N4BP1: variants seen among roughly 807,000 people sequenced by gnomAD.
The protein encoded by N4BP1 is NEDD4-binding protein 1.
A neutral mutation model predicts 70.9 loss-of-function variants in N4BP1; 21 were observed. The observed-to-expected ratio is 0.30, with a 90% CI of 0.21 to 0.43. The LOEUF (loss-of-function observed/expected upper bound fraction) is 0.43, where lower values mean the gene tolerates loss of function less well. N4BP1 is among the 20% of genes least tolerant of loss of function. N4BP1 has a pLI of 1.00. For missense variants in N4BP1, 936 were observed against 1,069.4 expected (o/e 0.88, Z 1.74); for synonymous variants, 387 against 394.6 (o/e 0.98, Z 0.23).
chr16:48,553,063 A>G (rs1199719585), intron 3 of N4BP1, among the ~76,000 whole-genome samples: 1 of 152,194 alleles, frequency 6.6e-6, no homozygotes, highest in Non-Finnish European at 1.5e-5. Flanking sequence ...GTTTCTCTAG[A>G]ACATTTCATG....
At chr16:48,608,563 C>T (rs970602258) in intron 1 of N4BP1, among the ~76,000 whole-genome samples, 1 of 152,126 alleles carries the variant, frequency 6.6e-6, no homozygotes, top group African/African-American at 2.4e-5. Flanking sequence ...CTCCCTAGGT[C>T]TGAATCCTGC....
intron 1 of N4BP1, among the ~76,000 whole-genome samples, chr16:48,574,921 C>A (rs1441174906): frequency 6.6e-6 from 1 of 152,172 alleles, no homozygotes; most frequent in African/African-American, 2.4e-5. Context: ...GCAAGACTGG[C>A]AGAGAAAGGC....
chr16:48,570,493 C>T (rs1239164808), intron 1 of N4BP1, among the ~76,000 whole-genome samples: 18 of 152,082 alleles, frequency 1.2e-4, no homozygotes, highest in Admixed American at 5.9e-4. Context: ...ACTACAGGCA[C>T]GTGCCACCAT....
chr16:48,605,181 C>A (rs767554098), intron 1 of N4BP1, among the ~76,000 whole-genome samples: 2 of 152,018 alleles, frequency 1.3e-5, no homozygotes, highest in South Asian at 2.1e-4. Context: ...TACATGCATG[C>A]GCCACCCCAC....
Position 48,609,960 on chromosome 16 carries a change from C to T in N4BP1, c.13G>A (p.Ala5Thr). The change falls in exon 1 of 7, where the codon GCG (alanine) becomes ACG (threonine). Residue 5 changes from alanine (A) to threonine (T), a missense_variant. Around this residue, in one of 4 missense-constraint regions of N4BP1, gnomAD observed 187 missense variants for 217.1 expected, o/e 0.86. Coordinates refer to ENST00000262384, the MANE Select transcript of N4BP1 (RefSeq NM_153029.4). Reference sequence around the variant, plus strand: ...GGCGCAGTGAACTCGTCCAGCACCGCCCGGGCCGCCATGGCGGGCGCGGCC... The same window carrying T: ...GGCGCAGTGAACTCGTCCAGCACCGTCCGGGCCGCCATGGCGGGCGCGGCC... Reference protein sequence around the residue: MAARAVLDEFTAPAE... With the variant: MAARTVLDEFTAPAE... The T allele has an allele frequency of 4.8e-6, 6 of 1,248,514 alleles. No individual in the cohort carries two copies. The highest frequency in any genetic ancestry group is 5.0e-6 in the Non-Finnish European group (5 of 993,554). The allele number at this position is 1,248,514 out of a possible 1,614,324, so 77.3% of individuals were successfully genotyped here.
chr16:48,593,752 G>GT (rs1255874202), intron 1 of N4BP1, among the ~76,000 whole-genome samples: 1 of 152,142 alleles, frequency 6.6e-6, no homozygotes, highest in Non-Finnish European at 1.5e-5. Flanking sequence ...GCTCACACCT[G>GT]TAATTCCAGC....
Position 48,551,915 on chromosome 16 carries a change from G to A in N4BP1, c.2021-433C>T, listed in dbSNP as rs570115081. On this transcript the variant is annotated intron_variant, in intron 3 of 6. Coordinates refer to ENST00000262384, the MANE Select transcript of N4BP1 (RefSeq NM_153029.4). ...TGCCTGTAATCCCAGTTACTCAGGAGGCTGAGGCAGGAGAATCGCTTGAAC... is the reference window on the plus strand; with the variant it reads ...TGCCTGTAATCCCAGTTACTCAGGAAGCTGAGGCAGGAGAATCGCTTGAAC... Among the ~76,000 whole-genome samples the A allele has an allele frequency of 3.3e-5, 5 of 152,294 alleles. No homozygotes were observed. In the East Asian group the frequency reaches 9.7e-4, roughly 29 times the overall value.
At position 48,570,612 on chromosome 16, in the gene N4BP1, G is replaced by A. The variant is rs976946340; in HGVS notation, c.199-8168C>T. On this transcript the variant is annotated intron_variant, in intron 1 of 6. Coordinates refer to ENST00000262384, the MANE Select transcript of N4BP1 (RefSeq NM_153029.4). ...TCCACCCATTTCGGCCTCCCAAAGC[G>A]CTGGGATTACAGGCATACGCCACTG... 3.3e-5 allele frequency among the ~76,000 whole-genome samples: 5 copies of A among 152,282 alleles called. No homozygotes were observed. In the East Asian group the frequency reaches 5.8e-4, roughly 18 times the overall value.
intron 1 of N4BP1, among the ~76,000 whole-genome samples, chr16:48,605,775 T>G (rs1478135653): frequency 6.6e-6 from 1 of 152,208 alleles, no homozygotes; most frequent in Admixed American, 6.5e-5. Context: ...AAATTTCTCA[T>G]GTCCCCCTAA....
chr16:48,567,171 T>C (rs977340078), intron 1 of N4BP1, among the ~76,000 whole-genome samples: 3 of 152,244 alleles, frequency 2.0e-5, no homozygotes, highest in Admixed American at 6.5e-5. Context: ...TGTCTTTTAA[T>C]TGGAGTGTTG....
At position 48,562,266 on chromosome 16, in the gene N4BP1, G is replaced by C; in HGVS notation, c.377C>G (p.Ala126Gly). ...GLLGIRGSAEAVVMARSHIQQ... is the reference protein window; with the variant it reads ...GLLGIRGSAEGVVMARSHIQQ... ...AATGTGACTCCTAGCCATGACCACA[G>C]CCTCAGCACTTCCTCTGATGCCAAG... is the stretch of plus-strand genomic sequence containing the variant. The change falls in exon 2 of 7, where the codon GCT becomes GGT. Residue 126 changes from alanine to glycine, a missense_variant. Coordinates refer to ENST00000262384, the MANE Select transcript of N4BP1 (RefSeq NM_153029.4). The C allele has an allele frequency of 6.2e-7, 1 of 1,613,922 alleles. No individual in the cohort carries two copies. The highest frequency in any genetic ancestry group is 8.5e-7 in the Non-Finnish European group (1 of 1,179,880).
intron 4 of N4BP1, among the ~76,000 whole-genome samples, chr16:48,549,357 T>C (rs1284030035): frequency 1.3e-5 from 2 of 152,198 alleles, no homozygotes; most frequent in East Asian, 3.8e-4. Flanking sequence ...TTAACAAAAA[T>C]AGGCAGTAAG....
At chr16:48,563,831 T>C (rs1320715086) in intron 1 of N4BP1, among the ~76,000 whole-genome samples, 1 of 152,242 alleles carries the variant, frequency 6.6e-6, no homozygotes, top group Non-Finnish European at 1.5e-5. Context: ...TCTCAATACA[T>C]ATAATAATGT....
intron 3 of N4BP1, among the ~76,000 whole-genome samples, chr16:48,552,482 A>G (rs995566157): frequency 2.6e-5 from 4 of 151,548 alleles, no homozygotes; most frequent in African/African-American, 9.7e-5. Flanking sequence ...GGTGGATAAC[A>G]AGGTCAGGAG....
Position 48,561,748 on chromosome 16 carries a change from ACTG to A in N4BP1, c.892_894del (p.Gln298del), listed in dbSNP as rs1490135808. On this transcript the variant is annotated inframe_deletion, in exon 2 of 7. Coordinates refer to ENST00000262384, the MANE Select transcript of N4BP1 (RefSeq NM_153029.4). ...CCCTCCTGAACATTTTCCAAAGAAAACTGCTTCTTCGTATGCCTTTCTTCAGAA... is the reference window on the plus strand; with the variant it reads ...CCCTCCTGAACATTTTCCAAAGAAAACTTCTTCGTATGCCTTTCTTCAGAA... The A allele has an allele frequency of 6.2e-7, 1 of 1,612,334 alleles. No individual in the cohort carries two copies. Among genetic ancestry groups the A allele is most frequent in the Non-Finnish European group, 8.5e-7 (1 of 1,179,866 alleles).
chr16:48,541,714 A>G lies in N4BP1; in HGVS notation c.*1190T>C, dbSNP rs1199901255. The G allele has an allele frequency of 6.6e-6, 1 of 152,628 alleles. No homozygotes were observed. Among genetic ancestry groups the G allele is most frequent in the East Asian group, 1.9e-4 (1 of 5,200 alleles). 9.5% of individuals were successfully genotyped at this position (152,628 alleles called of 1,614,324 possible). On this transcript the variant is annotated 3_prime_UTR_variant, in exon 7 of 7. Transcript: ENST00000262384. Reference sequence around the variant, plus strand: ...AGACAATAAGAGTAAAGATGTTAAGATTGCCCAGGAAAAGAACTTCACTGA... The same window carrying G: ...AGACAATAAGAGTAAAGATGTTAAGGTTGCCCAGGAAAAGAACTTCACTGA...
intron 1 of N4BP1, among the ~76,000 whole-genome samples, chr16:48,604,878 T>C (rs1367392195): frequency 1.3e-5 from 2 of 152,170 alleles, no homozygotes; most frequent in African/African-American, 4.8e-5. Flanking sequence ...AACTGACTAA[T>C]GCGATACGCA....
chr16:48,609,562 C>G (rs1964644172), intron 1 of N4BP1, among the ~76,000 whole-genome samples: 1 of 152,236 alleles, frequency 6.6e-6, no homozygotes, highest in Non-Finnish European at 1.5e-5. Context: ...TTCGTCAGCG[C>G]CACTTTACAA....
Position 48,571,817 on chromosome 16 carries a change from C to G in N4BP1, c.199-9373G>C, listed in dbSNP as rs536238802. ...TAAGGAAAGAGGCCTTAAAGGTCCA[C>G]CTAGGATATCCCAAATCCAAATAAC... On this transcript the variant is annotated intron_variant, in intron 1 of 6. Coordinates refer to ENST00000262384, the MANE Select transcript of N4BP1 (RefSeq NM_153029.4). Among the ~76,000 whole-genome samples, 15 of 152,242 alleles carry G rather than the reference C, an allele frequency of 9.9e-5. 1 individual carries two copies. The East Asian group carries it at 2.9e-3, about 29-fold the overall frequency.
Sources: gnomAD v4.1 joint callset for allele counts (sites outside exome capture counted in the v4.1 genomes callset) on GRCh38, gnomAD v4.1.1 for gene constraint, gnomAD v4.1.1 regional missense constraint, MANE v1.5 for transcripts, NCBI Gene and HGNC (gene_info 2026-07-23, HGNC 2026-07-21) for gene names.